SDK1: variants seen among roughly 807,000 people sequenced by gnomAD.
SDK1 encodes sidekick cell adhesion molecule 1, also known as protein sidekick-1.
A neutral mutation model predicts 245.5 loss-of-function variants in SDK1; 157 were observed. That is an observed-to-expected ratio of 0.64 (90% confidence interval 0.56 to 0.73). The LOEUF (loss-of-function observed/expected upper bound fraction) is 0.73. Among genes scored for constraint, SDK1 ranks in the 30% least tolerant of loss-of-function variants. The pLI is 0.00. For missense variants in SDK1, 3,583 were observed against 3,002.3 expected, an observed-to-expected ratio of 1.19 and a Z score of -4.52; for synonymous variants, 1,647 against 1,278.5, an observed-to-expected ratio of 1.29 and a Z score of -6.15.
At chr7:4,016,161 C>A (rs1021311761) in intron 16 of SDK1, among the ~76,000 whole-genome samples, 8 of 152,268 alleles carry the variant, frequency 5.3e-5, no homozygotes, top group African/African-American at 1.9e-4. Flanking sequence ...GACATGGAAT[C>A]TGCAGAACCA....
chr7:3,746,702 G>A (rs1207000830), intron 4 of SDK1, among the ~76,000 whole-genome samples: 1 of 152,182 alleles, frequency 6.6e-6, no homozygotes, highest in Non-Finnish European at 1.5e-5. Flanking sequence ...TGAGATTGTA[G>A]CAATTCAGTC....
In SDK1 at chr7:3,926,304, A is replaced by G. The variant is rs576703509; in HGVS notation, c.848-24619A>G. 3.9e-5 allele frequency among the ~76,000 whole-genome samples: 6 copies of G among 152,306 alleles called. No individual in the cohort carries two copies. The East Asian group carries it at 7.7e-4, about 20-fold the overall frequency. ...GCTGTCATGAGCAATGAAAATGACA[A>G]TCTGCACTTTATAGACACTTAGCAT... On this transcript the variant is annotated intron_variant, in intron 5 of 44. Transcript: ENST00000404826.
intron 1 of SDK1, among the ~76,000 whole-genome samples, chr7:3,404,239 T>C (rs917237097): frequency 6.6e-6 from 1 of 152,090 alleles, no homozygotes; most frequent in Non-Finnish European, 1.5e-5. Flanking sequence ...ATAATATCTG[T>C]GAAGCACAAG....
chr7:4,230,194 G>T (rs1216526263), intron 40 of SDK1, among the ~76,000 whole-genome samples: 2 of 149,728 alleles, frequency 1.3e-5, no homozygotes, highest in Non-Finnish European at 3.0e-5. Context: ...TGGATTGATG[G>T]GTAGGTAGAT....
intron 5 of SDK1, among the ~76,000 whole-genome samples, chr7:3,909,934 G>A (rs1320802677): frequency 1.3e-5 from 2 of 152,200 alleles, no homozygotes; most frequent in South Asian, 2.1e-4. Context: ...CCCCGGGGAA[G>A]TGAATATTTC....
At chr7:3,324,667 TCTTA>T (rs1779898481) in intron 1 of SDK1, among the ~76,000 whole-genome samples, 2 of 152,168 alleles carry the variant, frequency 1.3e-5, no homozygotes, top group Non-Finnish European at 2.9e-5. Context: ...AAAAGTAGGC[TCTTA>T]CTTTTACTGT....
intron 30 of SDK1, among the ~76,000 whole-genome samples, chr7:4,158,196 G>T (rs17134422): frequency 6.6e-6 from 1 of 152,170 alleles, no homozygotes; most frequent in African/African-American, 2.4e-5. Context: ...GATTTCAACC[G>T]TCCAGGTGTT....
At position 4,113,445 on chromosome 7, in the gene SDK1, T is replaced by TG; in HGVS notation, c.3585+11dup. ...GCCTGCGGCTTCGCTGGGTGGTGAG[T>TG]GGGGGTGAGAAGGGAGGCTGGAGGC... On this transcript the variant is annotated splice_region_variant and intron_variant, in intron 24 of 44. Coordinates refer to ENST00000404826, the MANE Select transcript of SDK1 (RefSeq NM_152744.4). 6.2e-7 allele frequency: 1 copy of TG among 1,612,950 alleles called. No individual in the cohort carries two copies. Among genetic ancestry groups the TG allele is most frequent in the South Asian group, 1.1e-5 (1 of 91,018 alleles).
At chr7:3,965,944 G>A (rs1470710384) in intron 9 of SDK1, among the ~76,000 whole-genome samples, 2 of 151,896 alleles carry the variant, frequency 1.3e-5, no homozygotes, top group Non-Finnish European at 2.9e-5. Context: ...ATAGGTTGGG[G>A]CTCAGTGACA....
At chr7:3,656,689 T>C (rs1003907278) in intron 4 of SDK1, among the ~76,000 whole-genome samples, 2 of 151,708 alleles carry the variant, frequency 1.3e-5, no homozygotes, top group Non-Finnish European at 1.5e-5. Context: ...CTCTCTCTCA[T>C]GACAAGCCTG....
intron 7 of SDK1, among the ~76,000 whole-genome samples, chr7:3,953,303 T>G (rs930060501): frequency 6.6e-6 from 1 of 152,196 alleles, no homozygotes; most frequent in African/African-American, 2.4e-5. Context: ...ACCTTGACTC[T>G]TCTAAATACA....
chr7:3,575,794 A>C lies in SDK1; in HGVS notation c.299-43286A>C, dbSNP rs187830407. On this transcript the variant is annotated intron_variant, in intron 1 of 44. Coordinates refer to ENST00000404826, the MANE Select transcript of SDK1 (RefSeq NM_152744.4). ...TTCCCAGTCTATCATGTGTCATTGA[A>C]ACGCAAAACACAATAGCGTTTGTCT... Among the ~76,000 whole-genome samples, 83 of 152,174 alleles carry C rather than the reference A, an allele frequency of 5.5e-4. 3 individuals are homozygous for C. The highest frequency in any genetic ancestry group is 9.4e-4 in the Non-Finnish European group (64 of 67,956).
intron 1 of SDK1, among the ~76,000 whole-genome samples, chr7:3,503,527 A>C (rs894319130): frequency 2.6e-5 from 4 of 152,146 alleles, no homozygotes; most frequent in African/African-American, 7.2e-5. Flanking sequence ...AAAGTTAAAA[A>C]ATTAGCCAGT....
intron 5 of SDK1, among the ~76,000 whole-genome samples, chr7:3,932,303 C>T (rs181948157): frequency 2.0e-5 from 3 of 152,256 alleles, no homozygotes; most frequent in South Asian, 2.1e-4. Context: ...ATACAGCCTC[C>T]GCCTGGTGCT....
intron 1 of SDK1, among the ~76,000 whole-genome samples, chr7:3,593,112 T>C (rs2128636159): frequency 6.6e-6 from 1 of 152,362 alleles, no homozygotes; most frequent in South Asian, 2.1e-4. Context: ...CTTGGTGCAG[T>C]ATCTGCAGTA....
chr7:4,098,872 TA>T (rs1782346798), intron 22 of SDK1, among the ~76,000 whole-genome samples: 1 of 135,338 alleles, frequency 7.4e-6, no homozygotes, highest in Non-Finnish European at 1.5e-5. Context: ...GGGGTCTCCC[TA>T]TGTGGCCCTG....
intron 1 of SDK1, among the ~76,000 whole-genome samples, chr7:3,410,394 A>T (rs1779168065): frequency 6.6e-6 from 1 of 152,126 alleles, no homozygotes; most frequent in Non-Finnish European, 1.5e-5. Flanking sequence ...AAGATACCGC[A>T]TTATGTATAT....
At chr7:4,100,384 A>G (rs1213155500) in intron 22 of SDK1, among the ~76,000 whole-genome samples, 1 of 152,134 alleles carries the variant, frequency 6.6e-6, no homozygotes, top group African/African-American at 2.4e-5. Flanking sequence ...CGGGGGACAC[A>G]CTTGGGAGAT....
At position 3,849,120 on chromosome 7, in the gene SDK1, C is replaced by T. The variant is rs149900026; in HGVS notation, c.847+27537C>T. On this transcript the variant is annotated intron_variant, in intron 5 of 44. Coordinates refer to ENST00000404826, the MANE Select transcript of SDK1 (RefSeq NM_152744.4). ...GTTTCCATTTGCCGTCCGAACTTTC[C>T]CTTTCAAAGGTTTCCTTTTCTCTCC... Among the ~76,000 whole-genome samples, 46 of 152,302 alleles carry T rather than the reference C, an allele frequency of 3.0e-4. No homozygotes were observed. The East Asian group carries it at 6.9e-3, about 23-fold the overall frequency.
Sources: gnomAD v4.1 joint callset for allele counts (sites outside exome capture counted in the v4.1 genomes callset) on GRCh38, gnomAD v4.1.1 for gene constraint, MANE v1.5 for transcripts, NCBI Gene and HGNC (gene_info 2026-07-23, HGNC 2026-07-21) for gene names.